The following AKR1C2 variants were observed in gnomAD, a reference collection of about 807,000 sequenced individuals.
AKR1C2 encodes the protein 3-alpha-HSD3.
A neutral mutation model predicts 39.8 loss-of-function variants in AKR1C2; 27 were observed. That is an observed-to-expected ratio of 0.68 (90% CI 0.50 to 0.93). The LOEUF (loss-of-function observed/expected upper bound fraction) is 0.93, where lower values mean the gene tolerates loss of function less well. AKR1C2 is among the 40% of genes least tolerant of loss of function. AKR1C2 has a pLI of 0.00. For missense variants in AKR1C2, 263 were observed against 365.1 expected (o/e 0.72, Z 2.28); for synonymous variants, 114 against 137.9 (o/e 0.83, Z 1.22).
In AKR1C2 at chr10:5,000,106, A is replaced by G. The variant is rs150653603; in HGVS notation, c.369+444T>C. 2,991 of 1,167,706 alleles carry G rather than the reference A, an allele frequency of 2.6e-3. 64 individuals carry two copies. The African/African-American group carries it at 0.044, about 17-fold the overall frequency. 72.3% of individuals were successfully genotyped at this position (1,167,706 alleles called of 1,614,324 possible). On this transcript the variant is annotated intron_variant, in intron 3 of 8. Transcript: ENST00000380753. The stretch of plus-strand genomic sequence containing the variant: ...AACAAGGTTTCCCATGAAGGTTTGT[A>G]GTTTAAGACATTCCCGGACTGAGTT...
chr10:5,015,613 C>T (rs1554775303), intron 1 of AKR1C2, among the ~76,000 whole-genome samples: 1 of 152,158 alleles, frequency 6.6e-6, no homozygotes, highest in African/African-American at 2.4e-5. Flanking sequence ...GCAATTCCAG[C>T]CCTGGGTCCC....
chr10:5,002,612 C>T (rs1212964980), intron 1 of AKR1C2, among the ~76,000 whole-genome samples: 4 of 152,140 alleles, frequency 2.6e-5, no homozygotes, highest in African/African-American at 9.7e-5. Flanking sequence ...GTAAAATTTA[C>T]AATTATTGAC....
intron 1 of AKR1C2, among the ~76,000 whole-genome samples, chr10:5,002,882 A>G (rs1837314560): frequency 6.6e-6 from 1 of 152,124 alleles, no homozygotes; most frequent in Non-Finnish European, 1.5e-5. Flanking sequence ...GCCAATTTAT[A>G]TTACAAAATA....
At chr10:5,012,149 CA>C (rs1554774971) in intron 1 of AKR1C2, among the ~76,000 whole-genome samples, 1 of 151,942 alleles carries the variant, frequency 6.6e-6, no homozygotes, top group Non-Finnish European at 1.5e-5. Context: ...GTTTTTATTT[CA>C]TTATATCTGA....
intron 1 of AKR1C2, among the ~76,000 whole-genome samples, chr10:5,009,521 G>A (rs1315848668): frequency 6.6e-6 from 1 of 151,676 alleles, no homozygotes; most frequent in Non-Finnish European, 1.5e-5. Context: ...ATAAAACCAG[G>A]TGAGAAAAAA....
chr10:5,005,241 A>C (rs1274968496), upstream of AKR1C2, among the ~76,000 whole-genome samples: 19 of 150,522 alleles, frequency 1.3e-4, no homozygotes, highest in Admixed American at 9.3e-4. Context: ...TTCAGAAACA[A>C]ACTAAGAAGG....
At chr10:5,009,426 C>A (rs1357903698) in intron 1 of AKR1C2, among the ~76,000 whole-genome samples, 14 of 152,026 alleles carry the variant, frequency 9.2e-5, no homozygotes, top group African/African-American at 3.1e-4. Flanking sequence ...GCAGCTTGCA[C>A]ACCTTGCGAC....
At chr10:5,012,484 G>C (rs28613695) in intron 1 of AKR1C2, among the ~76,000 whole-genome samples, 36,186 of 149,528 alleles carry the variant, frequency 0.24, 5,627 homozygotes, top group East Asian at 0.78. Context: ...CAATCAAAGA[G>C]GATGTGTAAG....
chr10:5,001,644 GC>G lies in AKR1C2; in HGVS notation c.121del (p.Ala41GlnfsTer2). On this transcript the variant is annotated frameshift_variant, in exon 2 of 9. Coordinates refer to ENST00000380753, the MANE Select transcript of AKR1C2 (RefSeq NM_001393392.1). LOFTEE classifies it high-confidence loss of function. ...KSKALEAVKLAIEAGFHHIDS... is the reference protein window; with the variant it reads ...KSKALEAVKLXIEAGFHHIDS... ...AATATGGTGGAACCCGGCTTCTATT[GC>G]CAATTTGACGGCCTCTAGAGCTTTA... 6.2e-7 allele frequency: 1 copy of G among 1,613,866 alleles called. No homozygotes were observed. The highest frequency in any genetic ancestry group is 8.5e-7 in the Non-Finnish European group (1 of 1,179,820).
chr10:5,015,951 G>A (rs1837630906), intron 1 of AKR1C2: 1 of 152,186 alleles, frequency 6.6e-6, no homozygotes, highest in Admixed American at 6.6e-5. Flanking sequence ...GAGAGAGAGA[G>A]AGAGAGAAAG....
At chr10:5,009,206 T>G (rs1270976618) in intron 1 of AKR1C2, among the ~76,000 whole-genome samples, 2 of 152,172 alleles carry the variant, frequency 1.3e-5, no homozygotes, top group South Asian at 4.1e-4. Flanking sequence ...CCCATGAAAT[T>G]TAAAGTAAAT....
chr10:5,001,324 A>G (rs1233373313), intron 2 of AKR1C2, among the ~76,000 whole-genome samples, 190 bp downstream of exon 2: 1 of 152,204 alleles, frequency 6.6e-6, no homozygotes, highest in Non-Finnish European at 1.5e-5. Flanking sequence ...CATGAATTGG[A>G]ACACTGCAAA....
chr10:5,012,854 C>T lies in AKR1C2; in HGVS notation c.-88+5046G>A, dbSNP rs563790030. 6.2e-4 allele frequency among the ~76,000 whole-genome samples: 94 copies of T among 152,320 alleles called. 1 individual carries two copies. The highest frequency in any genetic ancestry group is 2.2e-3 in the African/African-American group (92 of 41,564). On this transcript the variant is annotated intron_variant, in intron 1 of 6. Coordinates refer to the AKR1C2 transcript ENST00000604507. ...TTCTACTAGATTCTTCCTAAGAGCA[C>T]ATAGGCATGCTGTTTTTTCTGTCAT...
chr10:5,009,006 A>C (rs1837465309), upstream of AKR1C2, among the ~76,000 whole-genome samples: 1 of 152,290 alleles, frequency 6.6e-6, no homozygotes, highest in Admixed American at 6.5e-5. Flanking sequence ...GGAAGCTCAC[A>C]GTTAGCCTGC....
intron 5 of AKR1C2, among the ~76,000 whole-genome samples, chr10:4,996,342 A>G (rs1474670508): frequency 6.6e-6 from 1 of 151,812 alleles, no homozygotes; most frequent in East Asian, 1.9e-4. Context: ...ATATCTATAT[A>G]GATGAACTAG....
In AKR1C2 at chr10:4,997,150, T is replaced by G; in HGVS notation, c.571-1285A>C. 1.3e-5 allele frequency: 2 copies of G among 152,372 alleles called. 1 individual carries two copies. The highest frequency in any genetic ancestry group is 3.8e-4 in the East Asian group (2 of 5,208). 9.4% of individuals were successfully genotyped at this position (152,372 alleles called of 1,614,324 possible). ...TGTATGCAGTCTAGTGTCGTGCAAT[T>G]TGAAAAACACAGCATGATAAAAACA... On this transcript the variant is annotated intron_variant, in intron 5 of 8. Coordinates refer to ENST00000380753, the MANE Select transcript of AKR1C2 (RefSeq NM_001393392.1).
At chr10:5,001,754 T>C (rs1554773866) in intron 1 of AKR1C2, 73 bp from the exon 2 acceptor site, 23 of 1,596,828 alleles carry the variant, frequency 1.4e-5, no homozygotes. Flanking sequence ...AGCAGCAACG[T>C]TCACAAAAAT....
rs146725822 is a variant in AKR1C2 at position 4,994,001 on chromosome 10, A to G, written c.846+1318T>C. ...ATTCATCAATTGTTTCATTATTGTC[A>G]TTTTTTATTCTCTCGTTCTCTGTAT... On this transcript the variant is annotated intron_variant, in intron 7 of 8. Transcript: ENST00000380753. Among the ~76,000 whole-genome samples the G allele has an allele frequency of 3.5e-3, 526 of 151,642 alleles. 2 individuals carry two copies. The highest frequency in any genetic ancestry group is 0.012 in the African/African-American group (504 of 41,450).
intron 1 of AKR1C2, among the ~76,000 whole-genome samples, chr10:5,014,146 A>G (rs1937892): frequency 0.84 from 124,803 of 148,628 alleles, 52,482 homozygotes; most frequent in African/African-American, 0.91. Flanking sequence ...TTGTGAATAG[A>G]ATTATTATGA....
Sources: gnomAD v4.1 joint callset for allele counts (sites outside exome capture counted in the v4.1 genomes callset) on GRCh38, gnomAD v4.1.1 for gene constraint, MANE v1.5 for transcripts, NCBI Gene and HGNC (gene_info 2026-07-23, HGNC 2026-07-21) for gene names.